The following FHIP1A variants were observed in gnomAD, a reference collection of about 807,000 sequenced individuals.
The protein encoded by FHIP1A is FHF complex subunit HOOK-interacting protein 1A.
In FHIP1A, 61 loss-of-function variants were observed where a neutral mutation model predicts 88.6. The ratio of observed to expected loss-of-function variants is 0.69; its 90% CI spans 0.56 to 0.85. The LOEUF is 0.85. Among genes scored for constraint, FHIP1A ranks in the 40% least tolerant of loss-of-function variants. The pLI, the probability that FHIP1A is intolerant of heterozygous loss-of-function variation, is 0.00. For missense variants in FHIP1A, 1,154 were observed against 1,273.5 expected (o/e 0.91, Z 1.43); for synonymous variants, 478 against 496.0 (o/e 0.96, Z 0.48).
At chr4:151,513,922 G>T (rs1255956094) in intron 3 of FHIP1A, among the ~76,000 whole-genome samples, 2 of 150,436 alleles carry the variant, frequency 1.3e-5, no homozygotes, top group Non-Finnish European at 3.0e-5. Context: ...AGGATACCCA[G>T]GAATTGAACT....
At chr4:151,618,278 A>G (rs925762523) in intron 7 of FHIP1A, among the ~76,000 whole-genome samples, 2 of 152,214 alleles carry the variant, frequency 1.3e-5, no homozygotes, top group African/African-American at 4.8e-5. Flanking sequence ...ATTAGCACTT[A>G]GTTTTATGTC....
At chr4:151,654,335 C>A (rs1317528249) in intron 11 of FHIP1A, among the ~76,000 whole-genome samples, 1 of 152,010 alleles carries the variant, frequency 6.6e-6, no homozygotes, top group East Asian at 1.9e-4. Flanking sequence ...CCCCACCTCA[C>A]CCCTTATAGT....
In FHIP1A at chr4:151,662,609, C is replaced by G; in HGVS notation, c.2978C>G (p.Pro993Arg). 1 of 1,551,608 alleles carries G rather than the reference C, an allele frequency of 6.4e-7. No individual in the cohort carries two copies. The highest frequency in any genetic ancestry group is 8.7e-7 in the Non-Finnish European group (1 of 1,146,980). The change falls in exon 14 of 14, where the codon CCC (proline) becomes CGC (arginine). Residue 993 changes from proline to arginine, a missense_variant. Pro to Arg is a moderately radical substitution (Grantham distance 103, BLOSUM62 -2). Coordinates refer to ENST00000435205, the MANE Select transcript of FHIP1A (RefSeq NM_001109977.3). ...CACAGAACCAAGGTGGCTGAGGCAC[C>G]CCCCAACCTGCCCCTGCCGGTGAGG... is the stretch of plus-strand genomic sequence containing the variant. ...LTHRTKVAEA[P>R]PNLPLPVRNP...
In FHIP1A at chr4:151,656,111, C is replaced by A; in HGVS notation, c.2552-121C>A. On this transcript the variant is annotated intron_variant, in intron 11 of 13. Coordinates refer to ENST00000435205, the MANE Select transcript of FHIP1A (RefSeq NM_001109977.3). The surrounding 1 kb of genome is among the most constrained non-coding windows in gnomAD (Gnocchi z 4.2). ...GAAAACGTGGCCATATTTGCTGTGTCTGGCTTGCACCTGTGGGCCCATGGT... is the reference window on the plus strand; with the variant it reads ...GAAAACGTGGCCATATTTGCTGTGTATGGCTTGCACCTGTGGGCCCATGGT... 2.8e-6 allele frequency: 2 copies of A among 718,780 alleles called. No individual in the cohort carries two copies. The highest frequency in any genetic ancestry group is 4.5e-6 in the Non-Finnish European group (2 of 447,710). The allele number at this position is 718,780 out of a possible 1,614,324, so 44.5% of individuals were successfully genotyped here. A position where few individuals can be genotyped will look rare whatever the true frequency, so the allele number is the denominator to read the frequency against.
intron 3 of FHIP1A, among the ~76,000 whole-genome samples, 181 bp downstream of exon 3, chr4:151,482,829 T>A (rs1361182491): frequency 6.6e-6 from 1 of 152,122 alleles, no homozygotes; most frequent in Non-Finnish European, 1.5e-5. Context: ...TTAAAAAATC[T>A]TTTCTTAAGA....
intron 4 of FHIP1A, among the ~76,000 whole-genome samples, chr4:151,567,115 A>T (rs1399337817): frequency 2.6e-5 from 4 of 152,144 alleles, no homozygotes; most frequent in Non-Finnish European, 5.9e-5. Context: ...TGCTGTGTGG[A>T]TAATTAAGGG....
intron 3 of FHIP1A, among the ~76,000 whole-genome samples, chr4:151,483,855 G>A (rs1729985747): frequency 6.6e-6 from 1 of 152,220 alleles, no homozygotes; most frequent in African/African-American, 2.4e-5. Flanking sequence ...TTATGTCCAC[G>A]TAGGACTTCT....
intron 3 of FHIP1A, among the ~76,000 whole-genome samples, chr4:151,490,292 T>C (rs1472069933): frequency 6.6e-6 from 1 of 152,204 alleles, no homozygotes; most frequent in African/African-American, 2.4e-5. Flanking sequence ...CAGGTGCTGG[T>C]ATCCATGGCT....
At chr4:151,413,256 T>C (rs1313426065) in intron 1 of FHIP1A, among the ~76,000 whole-genome samples, 1 of 152,172 alleles carries the variant, frequency 6.6e-6, no homozygotes, top group East Asian at 1.9e-4. Flanking sequence ...TGAAAAACTC[T>C]GTAAATAGCA....
intron 13 of FHIP1A, among the ~76,000 whole-genome samples, chr4:151,657,454 T>C (rs913902340): frequency 1.3e-5 from 2 of 152,138 alleles, no homozygotes; most frequent in African/African-American, 4.8e-5. Context: ...AGAGGAGATG[T>C]TAGGCCAGGG....
chr4:151,480,123 C>T (rs1005012075), intron 2 of FHIP1A, among the ~76,000 whole-genome samples: 9 of 152,024 alleles, frequency 5.9e-5, no homozygotes, highest in African/African-American at 2.2e-4. Context: ...TAAGAGAGTT[C>T]TTTCAATTTA....
chr4:151,526,407 C>A (rs1731640950), intron 3 of FHIP1A, among the ~76,000 whole-genome samples: 1 of 150,792 alleles, frequency 6.6e-6, no homozygotes, highest in African/African-American at 2.4e-5. Flanking sequence ...CACCTCCCTC[C>A]CGGACCGGGG....
chr4:151,507,660 AG>A (rs1730882207), intron 3 of FHIP1A, among the ~76,000 whole-genome samples: 1 of 152,174 alleles, frequency 6.6e-6, no homozygotes, highest in Non-Finnish European at 1.5e-5. Flanking sequence ...TAAGTGAACA[AG>A]GGCATCTATA....
intron 3 of FHIP1A, among the ~76,000 whole-genome samples, chr4:151,543,577 A>C (rs1055903034): frequency 2.0e-5 from 3 of 152,250 alleles, no homozygotes; most frequent in Non-Finnish European, 4.4e-5. Context: ...TCCTGAACTT[A>C]TTTGTAAATA....
chr4:151,492,136 A>G lies in FHIP1A; in HGVS notation c.-123+9488A>G, dbSNP rs1730305094. Among the ~76,000 whole-genome samples the G allele has an allele frequency of 2.0e-5, 3 of 152,114 alleles. No homozygotes were observed. In the South Asian group the frequency reaches 6.2e-4, roughly 32 times the overall value. On this transcript the variant is annotated intron_variant, in intron 3 of 13. Coordinates refer to ENST00000435205, the MANE Select transcript of FHIP1A (RefSeq NM_001109977.3). The stretch of plus-strand genomic sequence containing the variant: ...CAGAAAAACAGTGGTCTTAAACTAT[A>G]CCGTAGAACAAATGGACTTAACAGA...
intron 5 of FHIP1A, among the ~76,000 whole-genome samples, chr4:151,578,291 A>C (rs1246656465): frequency 6.6e-6 from 1 of 152,184 alleles, no homozygotes; most frequent in Non-Finnish European, 1.5e-5. Flanking sequence ...AAGCCAACAA[A>C]GGAGGCTAGA....
intron 3 of FHIP1A, among the ~76,000 whole-genome samples, chr4:151,560,492 G>A (rs1031035939): frequency 2.0e-5 from 3 of 152,064 alleles, no homozygotes; most frequent in Non-Finnish European, 4.4e-5. Flanking sequence ...AAGATTCAGA[G>A]CATCTACTTC....
intron 4 of FHIP1A, among the ~76,000 whole-genome samples, chr4:151,569,342 A>G (rs1733509661): frequency 6.6e-6 from 1 of 152,150 alleles, no homozygotes; most frequent in Non-Finnish European, 1.5e-5. Context: ...TGATGAGGTC[A>G]GGAGTTTGAG....
Position 151,656,207 on chromosome 4 carries a change from C to G in FHIP1A, c.2552-25C>G. 6.5e-7 allele frequency: 1 copy of G among 1,546,772 alleles called. No individual in the cohort carries two copies. Among genetic ancestry groups the G allele is most frequent in the South Asian group, 1.2e-5 (1 of 83,858 alleles). On this transcript the variant is annotated intron_variant, in intron 11 of 13. Transcript: ENST00000435205. The surrounding 1 kb of genome is among the most constrained non-coding windows in gnomAD (Gnocchi z 4.2). ...GGCATCCCTGTGAGCCCAGCCAGCC[C>G]TGAAGCCTTGTGTTCTTCCTGCAGG...
Sources: gnomAD v4.1 joint callset for allele counts (sites outside exome capture counted in the v4.1 genomes callset) on GRCh38, gnomAD v4.1.1 for gene constraint, Gnocchi (gnomAD v3.1) non-coding constraint, MANE v1.5 for transcripts, NCBI Gene and HGNC (gene_info 2026-07-23, HGNC 2026-07-21) for gene names.